The following DPP10 variants were observed in gnomAD, a reference collection of about 807,000 sequenced individuals.
DPP10 encodes inactive dipeptidyl peptidase 10.
DPP10 carries 33 observed loss-of-function variants against 120.9 expected under a neutral mutation model. The ratio of observed to expected loss-of-function variants is 0.27; its 90% CI spans 0.21 to 0.37. The LOEUF is 0.37. Among genes scored for constraint, DPP10 ranks in the 10% least tolerant of loss-of-function variants. DPP10 has a pLI of 1.00. For missense variants in DPP10, 816 were observed against 942.8 expected, an observed-to-expected ratio of 0.87 and a Z score of 1.76; for synonymous variants, 337 against 326.1, an observed-to-expected ratio of 1.03 and a Z score of -0.36.
At chr2:114,551,159 C>G (rs1234578291) in intron 1 of DPP10, among the ~76,000 whole-genome samples, 1 of 152,126 alleles carries the variant, frequency 6.6e-6, no homozygotes, top group East Asian at 1.9e-4. Context: ...GATGATCTCC[C>G]CACTTCTACC....
At chr2:115,283,607 G>T (rs752203896) in intron 1 of DPP10, among the ~76,000 whole-genome samples, 8 of 152,006 alleles carry the variant, frequency 5.3e-5, no homozygotes, top group Non-Finnish European at 1.2e-4. Flanking sequence ...TCTTAGTTCA[G>T]TTTTTAATTC....
intron 17 of DPP10, among the ~76,000 whole-genome samples, chr2:115,786,662 A>T (rs971094275): frequency 1.3e-5 from 2 of 152,208 alleles, no homozygotes; most frequent in Non-Finnish European, 2.9e-5. Context: ...GTTAATAGAA[A>T]TTTCTGAACT....
intron 1 of DPP10, among the ~76,000 whole-genome samples, chr2:114,514,639 G>T (rs1020962461): frequency 1.3e-5 from 2 of 152,128 alleles, no homozygotes; most frequent in Admixed American, 1.3e-4. Context: ...CCACCACTGA[G>T]AACTTGGGGA....
In DPP10 at chr2:115,727,909, A is replaced by G; in HGVS notation, c.670A>G (p.Asn224Asp). ...TTCTGGAAAAGAAGAAATAATTTTTAATGGGATTGCTGACTGGTTATATGA... is the reference window on the plus strand; with the variant it reads ...TTCTGGAAAAGAAGAAATAATTTTTGATGGGATTGCTGACTGGTTATATGA... ...TSSGKEEIIF[N>D]GIADWLYEEE... The change falls in exon 8 of 26, where the codon AAT becomes GAT. Residue 224 changes from asparagine (N) to aspartate (D), a missense_variant. Coordinates refer to ENST00000410059, the MANE Select transcript of DPP10 (RefSeq NM_020868.6). The G allele has an allele frequency of 6.2e-7, 1 of 1,608,260 alleles. No individual in the cohort carries two copies. The highest frequency in any genetic ancestry group is 8.5e-7 in the Non-Finnish European group (1 of 1,177,566).
intron 1 of DPP10, among the ~76,000 whole-genome samples, chr2:114,824,763 G>T (rs2106370914): frequency 6.6e-6 from 1 of 152,250 alleles, no homozygotes; most frequent in East Asian, 1.9e-4. Context: ...TAGAAACTTT[G>T]TCTTTTAACA....
chr2:115,276,686 G>A (rs957003410), intron 1 of DPP10, among the ~76,000 whole-genome samples: 1 of 152,196 alleles, frequency 6.6e-6, no homozygotes, highest in Non-Finnish European at 1.5e-5. Context: ...TATCCAATGA[G>A]ATACAATCAT....
At chr2:115,415,321 A>C (rs2069291945) in intron 3 of DPP10, among the ~76,000 whole-genome samples, 1 of 152,116 alleles carries the variant, frequency 6.6e-6, no homozygotes, top group Admixed American at 6.6e-5. Flanking sequence ...CCGTGCTGGA[A>C]AATTTCTGGC....
chr2:115,817,174 G>A (rs1311082201), intron 21 of DPP10, among the ~76,000 whole-genome samples: 2 of 151,846 alleles, frequency 1.3e-5, no homozygotes, highest in African/African-American at 4.8e-5. Context: ...CTGATCCCGG[G>A]AGGCAGAGTT....
chr2:115,484,960 A>G (rs939256114), intron 3 of DPP10, among the ~76,000 whole-genome samples: 4 of 152,088 alleles, frequency 2.6e-5, no homozygotes, highest in African/African-American at 9.7e-5. Context: ...AGTCCCAGCT[A>G]CTTGGGAGGC....
At chr2:114,789,500 C>A (rs886246279) in intron 1 of DPP10, among the ~76,000 whole-genome samples, 3 of 152,096 alleles carry the variant, frequency 2.0e-5, no homozygotes, top group African/African-American at 7.2e-5. Flanking sequence ...TCTCAGAATG[C>A]GGTTTCTGAG....
At chr2:114,632,166 T>C (rs1694972188) in intron 1 of DPP10, among the ~76,000 whole-genome samples, 1 of 152,266 alleles carries the variant, frequency 6.6e-6, no homozygotes, top group African/African-American at 2.4e-5. Context: ...TTTCTTATTA[T>C]GTCATATCAG....
chr2:114,545,663 A>G (rs1251968272), intron 1 of DPP10, among the ~76,000 whole-genome samples: 3 of 152,206 alleles, frequency 2.0e-5, no homozygotes, highest in African/African-American at 7.2e-5. Context: ...GCAAAAAAAC[A>G]GTCTAAGTTT....
chr2:115,607,630 A>G (rs2083785409), intron 5 of DPP10, among the ~76,000 whole-genome samples: 1 of 152,078 alleles, frequency 6.6e-6, no homozygotes, highest in Non-Finnish European at 1.5e-5. Flanking sequence ...TCATTAATTC[A>G]TTTTTTACTT....
intron 3 of DPP10, among the ~76,000 whole-genome samples, chr2:115,367,586 A>C (rs889834137): frequency 6.6e-6 from 1 of 152,080 alleles, no homozygotes; most frequent in South Asian, 2.1e-4. Flanking sequence ...TAAGTGTTTC[A>C]AATTATTAAA....
chr2:115,543,870 A>G (rs1285168596), intron 5 of DPP10, among the ~76,000 whole-genome samples: 1 of 152,050 alleles, frequency 6.6e-6, no homozygotes, highest in Admixed American at 6.6e-5. Context: ...ACTGCCAAGA[A>G]TCAGTAGGGG....
At chr2:115,137,976 A>G (rs879684231) in intron 1 of DPP10, among the ~76,000 whole-genome samples, 2 of 152,192 alleles carry the variant, frequency 1.3e-5, no homozygotes, top group African/African-American at 4.8e-5. Context: ...TCAGAGCTTA[A>G]GGAGGAAAAG....
chr2:114,548,927 T>C lies in DPP10; in HGVS notation c.60+106089T>C, dbSNP rs568638721. Among the ~76,000 whole-genome samples, 6 of 152,318 alleles carry C rather than the reference T, an allele frequency of 3.9e-5. No individual in the cohort carries two copies. In the South Asian group the frequency reaches 1.2e-3, roughly 32 times the overall value. On this transcript the variant is annotated intron_variant, in intron 1 of 25. Coordinates refer to ENST00000410059, the MANE Select transcript of DPP10 (RefSeq NM_020868.6). ...TTAGTTCCAGTTAAAGAGAGATGTG[T>C]TTAAAGCACTCTGATGTGTGGCCTT...
chr2:114,957,325 A>T (rs1374542407), intron 1 of DPP10, among the ~76,000 whole-genome samples: 1 of 151,106 alleles, frequency 6.6e-6, no homozygotes, highest in Non-Finnish European at 1.5e-5. Context: ...ATATTTTGTA[A>T]TATATTTTGT....
At chr2:115,358,131 C>T (rs1328362621) in intron 3 of DPP10, among the ~76,000 whole-genome samples, 3 of 152,134 alleles carry the variant, frequency 2.0e-5, no homozygotes, top group Admixed American at 6.5e-5. Flanking sequence ...ATTCAAATTT[C>T]TGCAGCCTGC....
Sources: allele counts gnomAD v4.1 joint callset (sites outside exome capture counted in the v4.1 genomes callset), GRCh38; gene constraint gnomAD v4.1.1; transcripts MANE v1.5; gene names NCBI Gene and HGNC (gene_info 2026-07-23, HGNC 2026-07-21).